Variants in SH2D4B observed in about 807,000 individuals in gnomAD.
SH2D4B encodes SH2 domain-containing protein 4B.
Under a neutral mutation model 61.5 loss-of-function variants are expected in SH2D4B, and 45 were observed. That is an observed-to-expected ratio of 0.73 (90% CI 0.58 to 0.94). SH2D4B has a LOEUF of 0.94. SH2D4B is among the 40% of genes least tolerant of loss of function. SH2D4B has a pLI of 0.00. For synonymous variants in SH2D4B, 224 were observed against 220.4 expected (o/e 1.02, Z -0.14); for missense variants, 572 against 574.2 (o/e 1.00, Z 0.04).
In SH2D4B at chr10:80,570,232, G is replaced by T; in HGVS notation, c.263G>T (p.Gly88Val). 6.2e-7 allele frequency: 1 copy of T among 1,614,200 alleles called. No individual in the cohort carries two copies. Among genetic ancestry groups the T allele is most frequent in the East Asian group, 2.2e-5 (1 of 44,884 alleles). ...VWVWIMGEGP[G>V]DKPYEEISEE... ...GTCTGGATCATGGGAGAAGGCCCTG[G>T]TGACAAGCCCTACGAAGAGATCTCT... Residue 88 changes from glycine (G) to valine (V), a missense_variant, in exon 2 of 8, where the codon GGT (glycine) becomes GTT (valine). Physicochemically the swap from Gly to Val is moderately radical, Grantham distance 109. Coordinates refer to ENST00000646907, the MANE Select transcript of SH2D4B (RefSeq NM_001388272.1).
chr10:80,576,711 C>A (rs185220810), intron 3 of SH2D4B, among the ~76,000 whole-genome samples: 1 of 152,196 alleles, frequency 6.6e-6, no homozygotes, highest in African/African-American at 2.4e-5. Context: ...TTTTTGGCTG[C>A]GCCAGCCTTA....
chr10:80,555,002 C>CAA (rs35160548), intron 1 of SH2D4B, among the ~76,000 whole-genome samples: 2,277 of 63,244 alleles, frequency 0.036, 98 homozygotes, highest in Non-Finnish European at 0.041. Flanking sequence ...AGGCGAGTCT[C>CAA]AAAAAAAAAA....
chr10:80,577,457 C>T (rs1360927695), intron 3 of SH2D4B, among the ~76,000 whole-genome samples: 2 of 149,930 alleles, frequency 1.3e-5, no homozygotes, highest in Non-Finnish European at 1.5e-5. Flanking sequence ...GACGGAGTCT[C>T]GCTCTGTCGC....
intron 1 of SH2D4B, among the ~76,000 whole-genome samples, chr10:80,562,894 CTTTTTTTTTTTTTT>C (rs34539206): frequency 1.3e-5 from 1 of 74,696 alleles, no homozygotes; most frequent in African/African-American, 5.1e-5. Context: ...AACATTTTTT[CTTTTTTTTTTTTTT>C]TTTTTTTTTT....
intron 4 of SH2D4B, among the ~76,000 whole-genome samples, chr10:80,603,323 TCTGTAGGGACAGG>T (rs1454332503): frequency 6.6e-6 from 1 of 152,112 alleles, no homozygotes; most frequent in Non-Finnish European, 1.5e-5. Context: ...TATCTTTACC[TCTGTAGGGACAGG>T]CTTGCCCTAG....
intron 3 of SH2D4B, among the ~76,000 whole-genome samples, chr10:80,584,369 G>T (rs1384686390): frequency 2.0e-5 from 3 of 152,150 alleles, no homozygotes; most frequent in African/African-American, 7.2e-5. Flanking sequence ...TGTATTGTCT[G>T]TTATAAGAAA....
At position 80,644,383 on chromosome 10, in the gene SH2D4B, G is replaced by T. The variant is rs1194644184; in HGVS notation, c.*298G>T. ...GTAAACCGAGCTCTTACAGTGCGTG[G>T]ACCATGTTTTAATAATCCAAAATAA... On this transcript the variant is annotated 3_prime_UTR_variant, in exon 8 of 8. Transcript: ENST00000646907. 1 of 281,568 alleles carries T rather than the reference G, an allele frequency of 3.6e-6. No individual in the cohort carries two copies. Among genetic ancestry groups the T allele is most frequent in the Non-Finnish European group, 6.6e-6 (1 of 151,890 alleles). The allele number at this position is 281,568 out of a possible 1,614,324, so 17.4% of individuals were successfully genotyped here. A position where few individuals can be genotyped will look rare whatever the true frequency, so the allele number is the denominator to read the frequency against.
chr10:80,630,391 G>T lies in SH2D4B; in HGVS notation c.989-3894G>T, dbSNP rs376027319. ...CTGCTTGCTCCCATGGCAGCCACAG[G>T]CCCCAGCCTTGAGCGGCTCATAGCC... is the stretch of plus-strand genomic sequence containing the variant. On this transcript the variant is annotated intron_variant, in intron 6 of 7. Transcript: ENST00000646907. Among the ~76,000 whole-genome samples, 50 of 152,324 alleles carry T rather than the reference G, an allele frequency of 3.3e-4. No homozygotes were observed. The East Asian group carries it at 8.7e-3, about 27-fold the overall frequency.
chr10:80,636,042 T>C (rs1278411229), intron 7 of SH2D4B, among the ~76,000 whole-genome samples: 1 of 152,170 alleles, frequency 6.6e-6, no homozygotes, highest in Non-Finnish European at 1.5e-5. Flanking sequence ...AGTGAGAACA[T>C]GCGGTGTTTG....
At position 80,570,199 on chromosome 10, in the gene SH2D4B, A is replaced by G. The variant is rs1194392027; in HGVS notation, c.230A>G (p.Glu77Gly). Reference protein sequence around the residue: ...HIQWLLGADGEVWVWIMGEGP... With the variant: ...HIQWLLGADGGVWVWIMGEGP... ...CAATGGCTCCTAGGGGCAGATGGCG[A>G]GGTCTGGGTCTGGATCATGGGAGAA... Residue 77 changes from glutamate to glycine, a missense_variant, in exon 2 of 8, where the codon GAG becomes GGG. Coordinates refer to ENST00000646907, the MANE Select transcript of SH2D4B (RefSeq NM_001388272.1). 3 of 1,614,174 alleles carry G rather than the reference A, an allele frequency of 1.9e-6. No homozygotes were observed. The highest frequency in any genetic ancestry group is 2.5e-6 in the Non-Finnish European group (3 of 1,180,028).
chr10:80,544,657 T>C (rs114184619), intron 1 of SH2D4B, among the ~76,000 whole-genome samples: 1,788 of 152,348 alleles, frequency 0.012, 31 homozygotes, highest in African/African-American at 0.039. Flanking sequence ...GACCCCTGCA[T>C]GGAGCCCTGC....
chr10:80,599,490 C>A (rs1842420628), intron 4 of SH2D4B, among the ~76,000 whole-genome samples: 1 of 152,102 alleles, frequency 6.6e-6, no homozygotes, highest in Admixed American at 6.5e-5. Context: ...GCTCAGGAAT[C>A]CCTGGGGGCT....
At chr10:80,591,851 G>C (rs1407923972) in intron 4 of SH2D4B, among the ~76,000 whole-genome samples, 1 of 152,020 alleles carries the variant, frequency 6.6e-6, no homozygotes, top group East Asian at 1.9e-4. Context: ...CAACTCCCAT[G>C]ATGACCCATT....
rs1042117333 is a variant in SH2D4B at position 80,538,734 on chromosome 10, G to A, written c.184+219G>A. ...GAGGCTGCTGCAGAGGCTGTCCAGC[G>A]GCCCTTATTGGAGTCGGGGAGTTGG... On this transcript the variant is annotated intron_variant, in intron 1 of 7. Transcript: ENST00000646907. This position sits in a 1 kb window ranked among gnomAD's most constrained non-coding sequence, Gnocchi z 4.8. Among the ~76,000 whole-genome samples the A allele has an allele frequency of 2.0e-5, 3 of 152,218 alleles. No individual in the cohort carries two copies. Among genetic ancestry groups the A allele is most frequent in the Non-Finnish European group, 2.9e-5 (2 of 68,044 alleles).
intron 1 of SH2D4B, among the ~76,000 whole-genome samples, chr10:80,540,177 C>T (rs1001532038): frequency 2.6e-5 from 4 of 152,118 alleles, no homozygotes; most frequent in Non-Finnish European, 5.9e-5. Context: ...AATTAATTTT[C>T]TGATTTATAA....
intron 3 of SH2D4B, among the ~76,000 whole-genome samples, chr10:80,573,231 C>T (rs1194855649): frequency 1.3e-5 from 2 of 150,218 alleles, no homozygotes; most frequent in African/African-American, 4.9e-5. Flanking sequence ...CGTGATCCGC[C>T]CACCTCGGCC....
chr10:80,559,135 G>A (rs1287437133), intron 1 of SH2D4B, among the ~76,000 whole-genome samples: 2 of 151,754 alleles, frequency 1.3e-5, no homozygotes, highest in East Asian at 3.9e-4. Flanking sequence ...CAAATGTTTA[G>A]TTGTATTTAT....
intron 6 of SH2D4B, among the ~76,000 whole-genome samples, chr10:80,629,446 A>G (rs1842805542): frequency 1.3e-5 from 2 of 152,210 alleles, no homozygotes; most frequent in Admixed American, 6.5e-5. Context: ...TATATCAGCA[A>G]TATCAAAAAG....
At chr10:80,566,867 TC>T (rs1841975743) in intron 1 of SH2D4B, among the ~76,000 whole-genome samples, 1 of 152,248 alleles carries the variant, frequency 6.6e-6, no homozygotes, top group Admixed American at 6.5e-5. Context: ...TGGTTGCCTC[TC>T]TGTTTCTATC....
Sources: gnomAD v4.1 joint callset for allele counts (sites outside exome capture counted in the v4.1 genomes callset) on GRCh38, gnomAD v4.1.1 for gene constraint, Gnocchi (gnomAD v3.1) non-coding constraint, MANE v1.5 for transcripts, NCBI Gene and HGNC (gene_info 2026-07-23, HGNC 2026-07-21) for gene names.